The following MIGA1 variants were observed in gnomAD, a reference collection of about 807,000 sequenced individuals.
The protein encoded by MIGA1 is family with sequence similarity 73, member A.
Under a neutral mutation model 82.0 loss-of-function variants are expected in MIGA1, and 58 were observed. The ratio of observed to expected loss-of-function variants is 0.71; its 90% CI spans 0.57 to 0.88. The LOEUF is 0.88. MIGA1 is among the 40% of genes least tolerant of loss of function. The pLI is 0.00. For missense variants in MIGA1, 751 were observed against 749.1 expected (o/e 1.00, Z -0.03); for synonymous variants, 249 against 253.6 (o/e 0.98, Z 0.17).
At chr1:77,783,416 C>A in intron 2 of MIGA1, 65 bp downstream of exon 2, 1 of 944,112 alleles carries the variant, frequency 1.1e-6, no homozygotes, top group Non-Finnish European at 1.6e-6. Context: ...ATTTTGTTTA[C>A]ATTATTTCAG....
chr1:77,864,215 A>T (rs1302856181), intron 13 of MIGA1, among the ~76,000 whole-genome samples, 187 bp downstream of exon 13: 1 of 150,010 alleles, frequency 6.7e-6, no homozygotes, highest in Non-Finnish European at 1.5e-5. Flanking sequence ...ACAAAAAAAA[A>T]AAAAATTAGC....
chr1:77,837,310 C>A (rs573840533), intron 7 of MIGA1, among the ~76,000 whole-genome samples: 1 of 152,192 alleles, frequency 6.6e-6, no homozygotes, highest in African/African-American at 2.4e-5. Flanking sequence ...GTATTTTATA[C>A]TTACTGCACA....
intron 2 of MIGA1, among the ~76,000 whole-genome samples, chr1:77,794,803 G>A (rs1196362101): frequency 1.3e-5 from 2 of 151,960 alleles, no homozygotes; most frequent in Non-Finnish European, 2.9e-5. Context: ...CCTGTCTTTT[G>A]AAAAAAGGCA....
chr1:77,841,368 T>A (rs972964723), intron 7 of MIGA1, among the ~76,000 whole-genome samples: 1 of 151,416 alleles, frequency 6.6e-6, no homozygotes, highest in African/African-American at 2.4e-5. Context: ...ACATGTATGG[T>A]TATTTTTGGT....
intron 14 of MIGA1, among the ~76,000 whole-genome samples, chr1:77,871,112 A>G (rs1182313910): frequency 2.8e-4 from 3 of 10,636 alleles, no homozygotes; most frequent in Admixed American, 1.4e-3. Flanking sequence ...GGAGAGGGAG[A>G]GGGAGAGGGA....
chr1:77,877,092 T>G lies in MIGA1; in HGVS notation c.*2028T>G, dbSNP rs1646899780. On this transcript the variant is annotated 3_prime_UTR_variant, in exon 16 of 16. Coordinates refer to ENST00000370791, the MANE Select transcript of MIGA1 (RefSeq NM_198549.4). ...TGCTATCATACATAGCTCACTGCAG[T>G]CTCCAACTCCTCATACCAGAGGCAT... 6.6e-6 allele frequency: 1 copy of G among 152,114 alleles called. No homozygotes were observed. Among genetic ancestry groups the G allele is most frequent in the African/African-American group, 2.4e-5 (1 of 41,426 alleles). 9.4% of individuals were successfully genotyped at this position (152,114 alleles called of 1,614,324 possible). A position where few individuals can be genotyped will look rare whatever the true frequency, so the allele number is the denominator to read the frequency against.
intron 13 of MIGA1, 95 bp from the exon 14 acceptor site, chr1:77,866,243 T>G (rs1207398613): frequency 4.5e-6 from 5 of 1,119,148 alleles, no homozygotes; most frequent in Non-Finnish European, 6.7e-6. Context: ...ATGAATGTAT[T>G]GAACGTTTTA....
intron 8 of MIGA1, among the ~76,000 whole-genome samples, chr1:77,844,899 T>C (rs896736039): frequency 1.3e-5 from 2 of 152,142 alleles, no homozygotes; most frequent in African/African-American, 4.8e-5. Context: ...CAAGAATCGC[T>C]TGAACCTGGG....
intron 14 of MIGA1, among the ~76,000 whole-genome samples, chr1:77,869,814 G>A (rs1323817652): frequency 1.3e-4 from 14 of 108,796 alleles, no homozygotes; most frequent in South Asian, 3.5e-4. Context: ...AGGGGCGGCC[G>A]GGCAGAGGCG....
At chr1:77,870,270 G>A (rs1685904142) in intron 14 of MIGA1, among the ~76,000 whole-genome samples, 1 of 125,190 alleles carries the variant, frequency 8.0e-6, no homozygotes, top group African/African-American at 2.9e-5. Flanking sequence ...GGGCGGAGAC[G>A]CTCCTCACTT....
At chr1:77,856,667 G>A (rs1464194852) in intron 8 of MIGA1, among the ~76,000 whole-genome samples, 2 of 152,094 alleles carry the variant, frequency 1.3e-5, no homozygotes, top group Admixed American at 1.3e-4. Flanking sequence ...GTGCGTAAAG[G>A]TGTTCATAGT....
At chr1:77,842,007 T>C (rs1684648269) in intron 7 of MIGA1, among the ~76,000 whole-genome samples, 1 of 150,234 alleles carries the variant, frequency 6.7e-6, no homozygotes, top group Non-Finnish European at 1.5e-5. Flanking sequence ...GTCTCAAAAC[T>C]CCTGGACTCA....
At chr1:77,788,563 T>G (rs1236751234) in intron 2 of MIGA1, among the ~76,000 whole-genome samples, 1 of 152,200 alleles carries the variant, frequency 6.6e-6, no homozygotes, top group African/African-American at 2.4e-5. Context: ...TAAGAAGTCA[T>G]TGCCAAATCC....
chr1:77,858,915 G>A, intron 8 of MIGA1, 23 bp from the exon 9 acceptor site: 1 of 1,416,190 alleles, frequency 7.1e-7, no homozygotes, highest in Non-Finnish European at 1.0e-6. Flanking sequence ...CCTGTATTCT[G>A]TTCTAACCCA....
intron 4 of MIGA1, among the ~76,000 whole-genome samples, chr1:77,806,076 G>T (rs1683088388): frequency 6.6e-6 from 1 of 152,052 alleles, no homozygotes; most frequent in African/African-American, 2.4e-5. Flanking sequence ...ACTGATTACA[G>T]TAGAACATTC....
intron 8 of MIGA1, among the ~76,000 whole-genome samples, chr1:77,855,683 T>G (rs1245390705): frequency 6.6e-6 from 1 of 151,970 alleles, no homozygotes; most frequent in African/African-American, 2.4e-5. Context: ...AGTTCTTGAT[T>G]TGAGTCTCTG....
intron 7 of MIGA1, among the ~76,000 whole-genome samples, chr1:77,840,446 T>G (rs1684585789): frequency 6.6e-6 from 1 of 152,186 alleles, no homozygotes; most frequent in Non-Finnish European, 1.5e-5. Flanking sequence ...TAGATAAATG[T>G]CTGTATTCTA....
chr1:77,839,597 C>G (rs1035214391), intron 7 of MIGA1, among the ~76,000 whole-genome samples: 3 of 151,968 alleles, frequency 2.0e-5, no homozygotes, highest in Non-Finnish European at 4.4e-5. Flanking sequence ...ATCTTGAACT[C>G]CTGGGGCTCA....
chr1:77,843,551 T>C (rs930332425), intron 8 of MIGA1, 144 bp downstream of exon 8: 1 of 613,420 alleles, frequency 1.6e-6, no homozygotes, highest in African/African-American at 1.8e-5. Flanking sequence ...AATGAATAAA[T>C]CTAACATGAA....
Sources: allele counts gnomAD v4.1 joint callset (sites outside exome capture counted in the v4.1 genomes callset), GRCh38; gene constraint gnomAD v4.1.1; transcripts MANE v1.5; gene names NCBI Gene and HGNC (gene_info 2026-07-23, HGNC 2026-07-21).